The following KIRREL1 variants were observed in gnomAD, a reference collection of about 807,000 sequenced individuals.
The protein encoded by KIRREL1 is kin of IRRE-like protein 1.
Under a neutral mutation model 83.3 loss-of-function variants are expected in KIRREL1, and 25 were observed. The ratio of observed to expected loss-of-function variants is 0.30; its 90% CI spans 0.22 to 0.42. The LOEUF is 0.42. Among genes scored for constraint, KIRREL1 ranks in the 10% least tolerant of loss-of-function variants. KIRREL1 has a pLI of 1.00. For missense variants in KIRREL1, 812 were observed against 1,032.3 expected (o/e 0.79, Z 2.92); for synonymous variants, 388 against 410.4 (o/e 0.95, Z 0.66).
intron 1 of KIRREL1, among the ~76,000 whole-genome samples, chr1:158,072,529 G>A (rs1017452438): frequency 4.7e-4 from 72 of 152,200 alleles, no homozygotes; most frequent in African/African-American, 1.6e-3. Context: ...GACCTTGAGG[G>A]AACTACACGA....
At chr1:158,017,151 C>T (rs1331461788) in intron 1 of KIRREL1, among the ~76,000 whole-genome samples, 2 of 152,174 alleles carry the variant, frequency 1.3e-5, no homozygotes, top group African/African-American at 4.8e-5. Context: ...TGGAGACACT[C>T]ATCATTGCAC....
intron 1 of KIRREL1, among the ~76,000 whole-genome samples, chr1:158,025,289 C>T (rs1210693699): frequency 6.6e-6 from 1 of 151,662 alleles, no homozygotes; most frequent in African/African-American, 2.4e-5. Context: ...CCTGTTAGGC[C>T]CAGGAATGAA....
chr1:158,079,780 A>G (rs1478696677), intron 3 of KIRREL1, among the ~76,000 whole-genome samples: 2 of 152,232 alleles, frequency 1.3e-5, no homozygotes, highest in African/African-American at 4.8e-5. Flanking sequence ...ACCTCTGGGC[A>G]TGAGTTTTCT....
intron 1 of KIRREL1, among the ~76,000 whole-genome samples, chr1:158,010,259 C>T (rs1475276732): frequency 6.6e-6 from 1 of 151,504 alleles, no homozygotes; most frequent in Non-Finnish European, 1.5e-5. Context: ...AGGGTGGAAG[C>T]AAACATTTCA....
At chr1:158,046,657 T>A (rs536277270) in intron 1 of KIRREL1, among the ~76,000 whole-genome samples, 59 of 151,926 alleles carry the variant, frequency 3.9e-4, no homozygotes, top group African/African-American at 1.3e-3. Flanking sequence ...CCCAAAAGAC[T>A]GTGGGGTCCT....
At chr1:158,023,370 A>C (rs1660058523) in intron 1 of KIRREL1, among the ~76,000 whole-genome samples, 2 of 152,226 alleles carry the variant, frequency 1.3e-5, no homozygotes, top group South Asian at 4.1e-4. Flanking sequence ...AGTGCCAGGC[A>C]CTGTTCAGTG....
In KIRREL1 at chr1:158,095,170, C is replaced by A; in HGVS notation, c.*50C>A. 1 of 1,297,262 alleles carries A rather than the reference C, an allele frequency of 7.7e-7. No homozygotes were observed. Among genetic ancestry groups the A allele is most frequent in the Non-Finnish European group, 1.1e-6 (1 of 936,438 alleles). 80.4% of individuals were successfully genotyped at this position (1,297,262 alleles called of 1,614,324 possible). ...TCTGCGGGGCAGAGGAGAAGGCTTT[C>A]ACAGCTGTTCCCTGATATTCAGGGG... On this transcript the variant is annotated 3_prime_UTR_variant, in exon 15 of 15. Coordinates refer to ENST00000359209, the MANE Select transcript of KIRREL1 (RefSeq NM_018240.7).
intron 1 of KIRREL1, among the ~76,000 whole-genome samples, chr1:158,017,345 C>CTTCTTT (rs1403692116): frequency 6.6e-6 from 1 of 151,970 alleles, no homozygotes; most frequent in Non-Finnish European, 1.5e-5. Flanking sequence ...TTTTAAGATC[C>CTTCTTT]TTCTTTTCCT....
intron 1 of KIRREL1, among the ~76,000 whole-genome samples, chr1:158,060,774 GAGTCGGGGCTTGAAGCA>G (rs1281004047): frequency 6.6e-6 from 1 of 152,196 alleles, no homozygotes; most frequent in Admixed American, 6.5e-5. Flanking sequence ...AGGAATGCTG[GAGTCGGGGCTTGAAGCA>G]GGGAAGTGTC....
chr1:157,996,528 C>G (rs895070323), intron 1 of KIRREL1, among the ~76,000 whole-genome samples: 2 of 152,166 alleles, frequency 1.3e-5, no homozygotes, highest in South Asian at 4.1e-4. Flanking sequence ...GCATTCCTGC[C>G]ACAGCTTTTG....
intron 1 of KIRREL1, among the ~76,000 whole-genome samples, chr1:157,997,468 G>GGTGT (rs58719060): frequency 0.01 from 1,548 of 149,676 alleles, 24 homozygotes; most frequent in East Asian, 0.09. Flanking sequence ...TTCTTTGTGG[G>GGTGT]GTGTGTGTGT....
chr1:158,080,526 T>C (rs1661818075), intron 3 of KIRREL1, among the ~76,000 whole-genome samples: 1 of 152,188 alleles, frequency 6.6e-6, no homozygotes, highest in African/African-American at 2.4e-5. Context: ...GGTATGGTCC[T>C]TGCTGGCCTG....
chr1:158,021,402 G>C (rs1239021972), intron 1 of KIRREL1, among the ~76,000 whole-genome samples: 2 of 152,240 alleles, frequency 1.3e-5, no homozygotes. Flanking sequence ...ATTATGGAAG[G>C]AGCCCTGTTT....
chr1:158,031,749 G>C (rs1314691454), intron 1 of KIRREL1, among the ~76,000 whole-genome samples: 2 of 152,176 alleles, frequency 1.3e-5, no homozygotes, highest in African/African-American at 4.8e-5. Context: ...GATCCCAGTT[G>C]CTTGGAGGGA....
chr1:158,045,996 C>A (rs1389498289), intron 1 of KIRREL1, among the ~76,000 whole-genome samples: 4 of 152,210 alleles, frequency 2.6e-5, no homozygotes, highest in African/African-American at 9.6e-5. Context: ...TAGGCTTTTA[C>A]TTTGAATGAA....
rs778297640 is a variant in KIRREL1, at chr1:158,078,070, C to T, written c.282C>T (p.Asp94=). ...NLEITDAELS[D]DASYECQATE... ...AGATCACAGATGCTGAGCTCTCTGA[C>T]GACGCCTCTTACGAGTGCCAGGCCA... The change falls in exon 3 of 15, where the codon GAC becomes GAT. Residue 94 remains aspartate, a synonymous_variant. Transcript: ENST00000359209. 10 of 1,614,020 alleles carry T rather than the reference C, an allele frequency of 6.2e-6. No individual in the cohort carries two copies. The highest frequency in any genetic ancestry group is 1.1e-5 in the South Asian group (1 of 91,082).
intron 4 of KIRREL1, 146 bp from the exon 5 acceptor site, chr1:158,086,450 A>ACAC: frequency 1.0e-5 from 7 of 666,740 alleles, no homozygotes; most frequent in Admixed American, 2.9e-5. Flanking sequence ...ACACACACAC[A>ACAC]AGGGAAGAGG....
At chr1:158,026,818 C>G (rs79409219) in intron 1 of KIRREL1, among the ~76,000 whole-genome samples, 98 of 152,276 alleles carry the variant, frequency 6.4e-4, no homozygotes, top group African/African-American at 2.2e-3. Context: ...AATCTCCATG[C>G]TCCAAAGCTG....
chr1:158,084,350 A>T, intron 3 of KIRREL1, 72 bp from the exon 4 acceptor site: 1 of 1,423,690 alleles, frequency 7.0e-7, no homozygotes. Flanking sequence ...ATGCTTCCAG[A>T]GGCAGGAGTT....
Sources: gnomAD v4.1 joint callset for allele counts (sites outside exome capture counted in the v4.1 genomes callset) on GRCh38, gnomAD v4.1.1 for gene constraint, MANE v1.5 for transcripts, NCBI Gene and HGNC (gene_info 2026-07-23, HGNC 2026-07-21) for gene names.